The following ZNF280B variants were observed in gnomAD, a reference collection of about 807,000 sequenced individuals.
ZNF280B encodes suppressor of hairy wing homolog 2.
ZNF280B carries 16 observed loss-of-function variants against 38.0 expected under a neutral mutation model. That is an observed-to-expected ratio of 0.42 (90% CI 0.28 to 0.64). The LOEUF is 0.64. Among genes scored for constraint, ZNF280B ranks in the 30% least tolerant of loss-of-function variants. The probability of loss-of-function intolerance (pLI) is 0.21; values close to 1 mark genes in which losing one functional copy is unlikely to be tolerated. For synonymous variants in ZNF280B, 253 were observed against 230.6 expected (o/e 1.10, Z -0.88); for missense variants, 581 against 639.6 (o/e 0.91, Z 0.99).
Position 22,488,707 on chromosome 22 carries a change from T to C in ZNF280B, c.692A>G (p.Asn231Ser), listed in dbSNP as rs2061536642. 1 of 1,613,892 alleles carries C rather than the reference T, an allele frequency of 6.2e-7. No individual in the cohort carries two copies. Among genetic ancestry groups the C allele is most frequent in the South Asian group, 1.1e-5 (1 of 91,072 alleles). Residue 231 changes from asparagine to serine, a missense_variant, in exon 4 of 4, where the codon AAT (asparagine) becomes AGT (serine). Asn to Ser is a conservative substitution (Grantham distance 46, BLOSUM62 1). Transcript: ENST00000626650. ...AAAAGCTGCTGGAAAAGGTGCTCCA[T>C]TCTGAACATGGCTTAATGAGGTATG... ...NVHTSLSHVQNGAPFPAAFPK... is the reference protein window; with the variant it reads ...NVHTSLSHVQSGAPFPAAFPK...
At chr22:22,492,731 A>T (rs763696242) in intron 3 of ZNF280B, among the ~76,000 whole-genome samples, 7 of 151,534 alleles carry the variant, frequency 4.6e-5, no homozygotes, top group Admixed American at 1.3e-4. Context: ...CTAAAAATAC[A>T]AAAAATTAGC....
chr22:22,488,289 C>T lies in ZNF280B; in HGVS notation c.1110G>A (p.Glu370=), dbSNP rs544119930. ...CHIENVHTAQ[E]PSTVCKICEL... ...CACAGATTTTACAGACAGTAGAGGG[C>T]TCCTGGGCAGTGTGGACATTTTCGA... The change falls in exon 4 of 4, where the codon GAG becomes GAA. Residue 370 remains glutamate (E), a synonymous_variant. Transcript: ENST00000626650. The T allele has an allele frequency of 5.0e-6, 8 of 1,613,832 alleles. No homozygotes were observed. The South Asian group carries it at 6.6e-5, about 13-fold the overall frequency.
chr22:22,505,785 A>G (rs2061925634), intron 2 of ZNF280B, among the ~76,000 whole-genome samples: 1 of 151,688 alleles, frequency 6.6e-6, no homozygotes, highest in Non-Finnish European at 1.5e-5. Context: ...AATAGACAAA[A>G]AATAAAAACA....
chr22:22,498,954 C>A (rs562454930), intron 2 of ZNF280B, among the ~76,000 whole-genome samples: 1 of 151,494 alleles, frequency 6.6e-6, no homozygotes. Flanking sequence ...CCCGCCATCA[C>A]GCCCAGCTAA....
intron 2 of ZNF280B, among the ~76,000 whole-genome samples, chr22:22,506,643 G>A (rs1443852567): frequency 6.6e-6 from 1 of 151,770 alleles, no homozygotes; most frequent in Non-Finnish European, 1.5e-5. Context: ...TTTAAGGTGA[G>A]GTGATGGTAC....
chr22:22,491,177 G>A (rs1182927859), intron 3 of ZNF280B, among the ~76,000 whole-genome samples: 4 of 151,198 alleles, frequency 2.6e-5, no homozygotes, highest in South Asian at 2.1e-4. Flanking sequence ...AATAAATATC[G>A]ACTCTCCTTC....
At chr22:22,506,208 A>T (rs1378028686) in intron 2 of ZNF280B, among the ~76,000 whole-genome samples, 1 of 151,900 alleles carries the variant, frequency 6.6e-6, no homozygotes, top group Non-Finnish European at 1.5e-5. Flanking sequence ...TATTTAAAAC[A>T]CAAGACTGGA....
At chr22:22,497,004 G>A (rs952777014) in intron 2 of ZNF280B, among the ~76,000 whole-genome samples, 14 of 150,050 alleles carry the variant, frequency 9.3e-5, no homozygotes, top group Admixed American at 2.0e-4. Flanking sequence ...TTTTAGTAGC[G>A]ACGGGGTTTG....
chr22:22,505,216 T>C (rs1216949440), intron 2 of ZNF280B, among the ~76,000 whole-genome samples: 1 of 151,788 alleles, frequency 6.6e-6, no homozygotes, highest in Admixed American at 6.6e-5. Context: ...AGAAATGAGA[T>C]AAAAAATGAG....
At position 22,487,832 on chromosome 22, in the gene ZNF280B, TCA is replaced by T. The variant is rs2061522100; in HGVS notation, c.1565_1566del (p.Val522GlufsTer4). The T allele has an allele frequency of 3.1e-6, 5 of 1,613,392 alleles. No individual in the cohort carries two copies. The highest frequency in any genetic ancestry group is 4.2e-6 in the Non-Finnish European group (5 of 1,179,722). The part of the protein sequence containing the change: ...PGSVDVASIT[V>X]STSDSEPSLP... ...AGTGATGGTTCAGAGTCAGATGTGCTCACAGTTATGGATGCTACATCCACTGA... is the reference window on the plus strand; with the variant it reads ...AGTGATGGTTCAGAGTCAGATGTGCTCAGTTATGGATGCTACATCCACTGA... On this transcript the variant is annotated frameshift_variant, in exon 4 of 4. Coordinates refer to ENST00000626650, the MANE Select transcript of ZNF280B (RefSeq NM_080764.4). LOFTEE classifies it high-confidence loss of function.
chr22:22,501,299 T>G (rs910493410), intron 2 of ZNF280B, among the ~76,000 whole-genome samples: 12 of 151,796 alleles, frequency 7.9e-5, no homozygotes, highest in African/African-American at 2.9e-4. Context: ...GCATGGTGGC[T>G]CACGTCTATA....
At chr22:22,493,003 ATTATTG>A (rs1160213776) in intron 3 of ZNF280B, among the ~76,000 whole-genome samples, 1 of 151,740 alleles carries the variant, frequency 6.6e-6, no homozygotes, top group South Asian at 2.1e-4. Flanking sequence ...TAATTAGTTT[ATTATTG>A]TTATTATTTT....
At chr22:22,501,773 G>C (rs1213187191) in intron 2 of ZNF280B, among the ~76,000 whole-genome samples, 1 of 151,662 alleles carries the variant, frequency 6.6e-6, no homozygotes, top group Non-Finnish European at 1.5e-5. Flanking sequence ...ATTTTGGGAG[G>C]CTGAGGCAGG....
At chr22:22,498,465 A>G (rs1219018278) in intron 2 of ZNF280B, among the ~76,000 whole-genome samples, 2 of 151,960 alleles carry the variant, frequency 1.3e-5, no homozygotes, top group African/African-American at 4.8e-5. Flanking sequence ...TCTGTCAACA[A>G]ATTAGATAAC....
chr22:22,500,247 T>C (rs2061788819), intron 2 of ZNF280B, among the ~76,000 whole-genome samples: 2 of 151,796 alleles, frequency 1.3e-5, no homozygotes, highest in Admixed American at 6.6e-5. Flanking sequence ...ATATCTAAAA[T>C]AATTGAAAGC....
intron 3 of ZNF280B, among the ~76,000 whole-genome samples, chr22:22,492,053 G>A (rs370898099): frequency 6.6e-6 from 1 of 151,804 alleles, no homozygotes; most frequent in African/African-American, 2.4e-5. Context: ...ATCTAATTTT[G>A]GAACATATAG....
rs1395496268 is a variant in ZNF280B, at chr22:22,486,000, G to T, written c.*1767C>A. On this transcript the variant is annotated 3_prime_UTR_variant, in exon 4 of 4. Coordinates refer to ENST00000626650, the MANE Select transcript of ZNF280B (RefSeq NM_080764.4). Reference sequence around the variant, plus strand: ...GCCCCTGGGGAGAGCAAGGGAAAAAGATTCACCCATAGTACAGATTAGATA... The same window carrying T: ...GCCCCTGGGGAGAGCAAGGGAAAAATATTCACCCATAGTACAGATTAGATA... The T allele has an allele frequency of 6.6e-6, 1 of 151,960 alleles. No homozygotes were observed. Among genetic ancestry groups the T allele is most frequent in the Non-Finnish European group, 1.5e-5 (1 of 68,044 alleles). 9.4% of individuals were successfully genotyped at this position (151,960 alleles called of 1,614,324 possible). A position where few individuals can be genotyped will look rare whatever the true frequency, so the allele number is the denominator to read the frequency against.
At chr22:22,492,843 G>A (rs971002071) in intron 3 of ZNF280B, among the ~76,000 whole-genome samples, 2 of 149,436 alleles carry the variant, frequency 1.3e-5, no homozygotes, top group East Asian at 2.0e-4. Context: ...CCAAGACCAC[G>A]TCACTGCACT....
At chr22:22,508,302 T>C (rs1156482314) in intron 1 of ZNF280B, among the ~76,000 whole-genome samples, 1 of 151,774 alleles carries the variant, frequency 6.6e-6, no homozygotes, top group African/African-American at 2.4e-5. Flanking sequence ...TTAAATACAT[T>C]GAGCGCCAAA....
Sources: gnomAD v4.1 joint callset for allele counts (sites outside exome capture counted in the v4.1 genomes callset) on GRCh38, gnomAD v4.1.1 for gene constraint, MANE v1.5 for transcripts, NCBI Gene and HGNC (gene_info 2026-07-23, HGNC 2026-07-21) for gene names.